EBF3: variants seen among roughly 807,000 people sequenced by gnomAD.
EBF3 encodes the protein transcription factor COE3.
A neutral mutation model predicts 77.1 loss-of-function variants in EBF3; 18 were observed. That is an observed-to-expected ratio of 0.23 (90% confidence interval 0.16 to 0.35). The LOEUF (loss-of-function observed/expected upper bound fraction) is 0.35. Among genes scored for constraint, EBF3 ranks in the 10% least tolerant of loss-of-function variants. The pLI is 1.00. For synonymous variants in EBF3, 350 were observed against 343.5 expected, an observed-to-expected ratio of 1.02 and a Z score of -0.21; for missense variants, 558 against 860.0, an observed-to-expected ratio of 0.65 and a Z score of 4.39.
intron 10 of EBF3, among the ~76,000 whole-genome samples, chr10:129,850,989 G>T (rs1236079212): frequency 6.6e-6 from 1 of 152,250 alleles, no homozygotes; most frequent in African/African-American, 2.4e-5. Flanking sequence ...GCCAGGGCAA[G>T]GCGCTGGCAC....
chr10:129,911,773 C>T (rs1855540828), intron 6 of EBF3, among the ~76,000 whole-genome samples: 1 of 152,186 alleles, frequency 6.6e-6, no homozygotes, highest in African/African-American at 2.4e-5. Flanking sequence ...TGACCCCTCA[C>T]TCCTACTCCA....
In EBF3 at chr10:129,963,957, G is replaced by T; in HGVS notation, c.-189C>A. 9.7e-7 allele frequency: 1 copy of T among 1,035,480 alleles called. No individual in the cohort carries two copies. Among genetic ancestry groups the T allele is most frequent in the Non-Finnish European group, 1.2e-6 (1 of 864,562 alleles). The allele number at this position is 1,035,480 out of a possible 1,614,324, so 64.1% of individuals were successfully genotyped here. A position where few individuals can be genotyped will look rare whatever the true frequency, so the allele number is the denominator to read the frequency against. On this transcript the variant is annotated 5_prime_UTR_variant, in exon 1 of 17. Transcript: ENST00000440978. This position sits in a 1 kb window ranked among gnomAD's most constrained non-coding sequence, Gnocchi z 7.1. ...ACACCAGCGGCCGGGCGCTCCGGACGGCCAGGGGCGCGGAGGCGGCTCCAC... is the reference window on the plus strand; with the variant it reads ...ACACCAGCGGCCGGGCGCTCCGGACTGCCAGGGGCGCGGAGGCGGCTCCAC...
chr10:129,914,683 G>A (rs539171046), intron 6 of EBF3, among the ~76,000 whole-genome samples: 4 of 152,242 alleles, frequency 2.6e-5, no homozygotes, highest in East Asian at 3.9e-4. Context: ...CTGAAAGCAC[G>A]GGGCAGGGCG....
At chr10:129,958,894 A>C in intron 5 of EBF3, 40 bp downstream of exon 5, 1 of 1,576,746 alleles carries the variant, frequency 6.3e-7, no homozygotes, top group Non-Finnish European at 8.6e-7. Context: ...GCTGGCGCCG[A>C]GGCAGCCCGC....
At chr10:129,928,686 C>G (rs1428930555) in intron 6 of EBF3, among the ~76,000 whole-genome samples, 1 of 152,216 alleles carries the variant, frequency 6.6e-6, no homozygotes, top group Non-Finnish European at 1.5e-5. Flanking sequence ...TCCCACAGGA[C>G]ATTTTGGCAA....
intron 6 of EBF3, among the ~76,000 whole-genome samples, chr10:129,884,546 A>T (rs973040781): frequency 2.6e-5 from 4 of 152,354 alleles, no homozygotes; most frequent in Non-Finnish European, 5.9e-5. Flanking sequence ...AAATTCTTGT[A>T]CATTTCAAGT....
intron 10 of EBF3, among the ~76,000 whole-genome samples, chr10:129,865,607 C>T (rs749698588): frequency 6.6e-5 from 10 of 152,192 alleles, no homozygotes; most frequent in Non-Finnish European, 1.5e-4. Context: ...GACTGGACAC[C>T]TCTGGGACAG....
At chr10:129,916,396 C>T (rs1019834000) in intron 6 of EBF3, among the ~76,000 whole-genome samples, 1 of 152,212 alleles carries the variant, frequency 6.6e-6, no homozygotes, top group Non-Finnish European at 1.5e-5. Flanking sequence ...TGAGACAATG[C>T]CTAGGAAATG....
intron 6 of EBF3, among the ~76,000 whole-genome samples, chr10:129,878,198 A>G (rs1404890127): frequency 6.6e-6 from 1 of 152,182 alleles, no homozygotes; most frequent in Non-Finnish European, 1.5e-5. Context: ...ATCTCAACCC[A>G]CTAAAAATGA....
intron 10 of EBF3, among the ~76,000 whole-genome samples, chr10:129,860,264 C>A (rs1319549812): frequency 1.3e-5 from 2 of 151,958 alleles, no homozygotes; most frequent in African/African-American, 4.8e-5. Flanking sequence ...CCCTGCAGCA[C>A]CGAGAAGGAC....
intron 6 of EBF3, among the ~76,000 whole-genome samples, chr10:129,940,600 A>G (rs1470649415): frequency 2.0e-5 from 3 of 152,230 alleles, no homozygotes; most frequent in Non-Finnish European, 4.4e-5. Flanking sequence ...CCCCATGCTT[A>G]GTAGCACTTA....
intron 6 of EBF3, among the ~76,000 whole-genome samples, chr10:129,895,759 T>C (rs1185290155): frequency 1.4e-5 from 2 of 146,774 alleles, no homozygotes; most frequent in African/African-American, 5.3e-5. Flanking sequence ...ATACTTTTGA[T>C]TACTTTCCTA....
intron 10 of EBF3, among the ~76,000 whole-genome samples, chr10:129,851,160 T>C (rs966577855): frequency 2.6e-5 from 4 of 152,246 alleles, no homozygotes; most frequent in Non-Finnish European, 4.4e-5. Context: ...TATGCTGCAA[T>C]TCAAACTGTC....
rs117685144 is a variant in EBF3 at position 129,944,629 on chromosome 10, G to A, written c.554+12629C>T. ...GCATTTTCTTAGTGGAAGCTGGAGC[G>A]CCCCTCACACCACACGGTGAATCCT... On this transcript the variant is annotated intron_variant, in intron 6 of 16. Transcript: ENST00000440978. The surrounding 1 kb of genome is among the most constrained non-coding windows in gnomAD (Gnocchi z 5.1). Among the ~76,000 whole-genome samples, 2,279 of 152,224 alleles carry A rather than the reference G, an allele frequency of 0.015. 24 individuals are homozygous for A. Among genetic ancestry groups the A allele is most frequent in the Middle Eastern group, 0.031 (9 of 294 alleles).
At chr10:129,852,570 C>T (rs1439596727) in intron 10 of EBF3, among the ~76,000 whole-genome samples, 4 of 152,192 alleles carry the variant, frequency 2.6e-5, no homozygotes, top group Non-Finnish European at 5.9e-5. Context: ...CAGCCCCGCC[C>T]TGAGTTCATG....
At chr10:129,896,047 A>C (rs1393703423) in intron 6 of EBF3, among the ~76,000 whole-genome samples, 1 of 152,186 alleles carries the variant, frequency 6.6e-6, no homozygotes, top group Non-Finnish European at 1.5e-5. Context: ...GGCATTTTTG[A>C]AAGTATGACT....
In EBF3 at chr10:129,839,152, G is replaced by GT; in HGVS notation, c.1802dup (p.Asn601LysfsTer6). ...TGCCACCGACTTCACAAAAGGGCCAGTTTGTCTTCTCCGCGGCTACGTCCT... is the reference window on the plus strand; with the variant it reads ...TGCCACCGACTTCACAAAAGGGCCAGTTTTGTCTTCTCCGCGGCTACGTCCT... On this transcript the variant is annotated frameshift_variant, in exon 16 of 17. Transcript: ENST00000440978. LOFTEE classifies it high-confidence loss of function. 1 of 1,304,404 alleles carries GT rather than the reference G, an allele frequency of 7.7e-7. No individual in the cohort carries two copies. Among genetic ancestry groups the GT allele is most frequent in the Middle Eastern group, 2.1e-4 (1 of 4,698 alleles). 80.8% of individuals were successfully genotyped at this position (1,304,404 alleles called of 1,614,324 possible).
At chr10:129,855,517 T>C (rs1477460745) in intron 10 of EBF3, among the ~76,000 whole-genome samples, 1 of 152,144 alleles carries the variant, frequency 6.6e-6, no homozygotes, top group Non-Finnish European at 1.5e-5. Flanking sequence ...CCTCCTCACT[T>C]CTCCGTGGCT....
rs1849604651 is a variant in EBF3, at chr10:129,836,272, T to TA, written c.*1670dup. The TA allele has an allele frequency of 6.6e-6, 1 of 152,638 alleles. No homozygotes were observed. The highest frequency in any genetic ancestry group is 2.4e-5 in the African/African-American group (1 of 41,458). The allele number at this position is 152,638 out of a possible 1,614,324, so 9.5% of individuals were successfully genotyped here. ...AAGTTAATGTGGCAAACATTTTAAT[T>TA]AAAACATCAGAAGTAAATTTTATTT... On this transcript the variant is annotated 3_prime_UTR_variant, in exon 17 of 17. Transcript: ENST00000440978.
Sources: allele counts gnomAD v4.1 joint callset (sites outside exome capture counted in the v4.1 genomes callset), GRCh38; gene constraint gnomAD v4.1.1; non-coding constraint Gnocchi (gnomAD v3.1); transcripts MANE v1.5; gene names NCBI Gene and HGNC (gene_info 2026-07-23, HGNC 2026-07-21).